DLX6: variants seen among roughly 807,000 people sequenced by gnomAD.
The protein encoded by DLX6 is distal-less homeobox 6, also known as homeobox protein DLX-6.
In DLX6, 4 loss-of-function variants were observed where a neutral mutation model predicts 33.5. The ratio of observed to expected loss-of-function variants is 0.12; its 90% confidence interval spans 0.06 to 0.27. The LOEUF (loss-of-function observed/expected upper bound fraction) is 0.27, where lower values mean the gene tolerates loss of function less well. DLX6 is among the 10% of genes least tolerant of loss of function. DLX6 has a pLI of 1.00. For missense variants in DLX6, 382 were observed against 393.3 expected (o/e 0.97, Z 0.24); for synonymous variants, 184 against 164.8 (o/e 1.12, Z -0.89).
At chr7:97,006,717 C>T (rs1322745744) in intron 1 of DLX6, 1 of 159,584 alleles carries the variant, frequency 6.3e-6, no homozygotes, top group Non-Finnish European at 1.4e-5. Context: ...CCTCCTGGGT[C>T]TGTGCGCCCT....
Position 97,010,179 on chromosome 7 carries a change from G to T in DLX6, c.*132G>T. 1.9e-6 allele frequency: 2 copies of T among 1,047,448 alleles called. No homozygotes were observed. The highest frequency in any genetic ancestry group is 2.7e-6 in the Non-Finnish European group (2 of 748,204). The allele number at this position is 1,047,448 out of a possible 1,614,324, so 64.9% of individuals were successfully genotyped here. A position where few individuals can be genotyped will look rare whatever the true frequency, so the allele number is the denominator to read the frequency against. On this transcript the variant is annotated 3_prime_UTR_variant, in exon 3 of 3. Transcript: ENST00000518156. ...ATAAGTGTGGCAAGAAGCCGACTAG[G>T]CTCATTCTCTCTCCCTCTCTCTCTC...
intron 2 of DLX6, 106 bp from the exon 3 acceptor site, chr7:97,009,690 T>C (rs1291149756): frequency 2.0e-6 from 3 of 1,510,862 alleles, no homozygotes; most frequent in Non-Finnish European, 2.7e-6. Flanking sequence ...GGTTGTTTTT[T>C]GTTTTTTGTT....
chr7:97,006,711 C>G (rs1363658018), intron 1 of DLX6: 1 of 161,024 alleles, frequency 6.2e-6, no homozygotes, highest in African/African-American at 2.4e-5. Flanking sequence ...CTCCAGCCTC[C>G]TGGGTCTGTG....
chr7:97,007,676 A>G lies in DLX6; in HGVS notation c.475A>G (p.Arg159Gly). 3 of 1,612,550 alleles carry G rather than the reference A, an allele frequency of 1.9e-6. No individual in the cohort carries two copies. Among genetic ancestry groups the G allele is most frequent in the Non-Finnish European group, 1.7e-6 (2 of 1,179,212 alleles). The part of the protein sequence containing the change: ...KTTVIENGEI[R>G]FNGKGKKIRK... ...TACAGTGATTGAAAACGGGGAAATC[A>G]GGTTCAATGGAAAAGGGAAAAAGAT... Residue 159 changes from arginine (R) to glycine (G), a missense_variant, in exon 2 of 3, where the codon AGG becomes GGG. Coordinates refer to ENST00000518156, the MANE Select transcript of DLX6 (RefSeq NM_005222.4).
Position 97,006,165 on chromosome 7 carries a change from C to T in DLX6, c.188C>T (p.Ala63Val), listed in dbSNP as rs1360007469. ...CCGCACTCGCAGCAGAGCTCCCCGG[C>T]CATGGCAGGCGCGCACTACCCTCTG... ...PQPHSQQSSP[A>V]MAGAHYPLHC... Residue 63 changes from alanine to valine, a missense_variant, in exon 1 of 3, where the codon GCC (alanine) becomes GTC (valine). This residue lies in a region of DLX6 where 257 missense variants were observed against 206.9 expected (regional missense o/e 1.24). Transcript: ENST00000518156. 3.2e-6 allele frequency: 5 copies of T among 1,542,842 alleles called. No individual in the cohort carries two copies. The East Asian group carries it at 9.8e-5, about 30-fold the overall frequency.
rs747311765 is a variant in DLX6 at position 97,006,142 on chromosome 7, G to A, written c.165G>A (p.Pro55=). 6 of 1,540,384 alleles carry A rather than the reference G, an allele frequency of 3.9e-6. No individual in the cohort carries two copies. Among genetic ancestry groups the A allele is most frequent in the Non-Finnish European group, 4.4e-6 (5 of 1,139,722 alleles). The change falls in exon 1 of 3, where the codon CCG becomes CCA. Residue 55 remains proline, a synonymous_variant. Coordinates refer to ENST00000518156, the MANE Select transcript of DLX6 (RefSeq NM_005222.4). ...PPPPPPPPPQ[P]HSQQSSPAMA... is the part of the protein sequence containing the mutation. ...CGCCGCCGCCGCCGCCGCCGCAGCC[G>A]CACTCGCAGCAGAGCTCCCCGGCCA...
At chr7:97,007,598 G>T in intron 1 of DLX6, 40 bp from the exon 2 acceptor site, 1 of 1,562,416 alleles carries the variant, frequency 6.4e-7, no homozygotes, top group Non-Finnish European at 8.7e-7. Flanking sequence ...GGCAGCAGTA[G>T]CCTCCCGGGT....
intron 2 of DLX6, 112 bp downstream of exon 2, chr7:97,007,943 T>A: frequency 9.2e-7 from 1 of 1,091,490 alleles, no homozygotes; most frequent in Non-Finnish European, 1.3e-6. Context: ...GGAAGGAGCT[T>A]AATGACAAAT....
chr7:97,006,128 C>T lies in DLX6; in HGVS notation c.151C>T (p.Pro51Ser). Residue 51 changes from proline to serine, a missense_variant, in exon 1 of 3, where the codon CCG becomes TCG. By Grantham distance (74) the Pro-to-Ser change is moderately conservative (BLOSUM62 -1). Around this residue, in one of 4 missense-constraint regions of DLX6, gnomAD observed 257 missense variants for 206.9 expected, o/e 1.24. Coordinates refer to ENST00000518156, the MANE Select transcript of DLX6 (RefSeq NM_005222.4). ...QQQQPPPPPP[P>S]PPQPHSQQSS... ...GCAACAGCCGCCGCCGCCGCCGCCG[C>T]CGCCGCCGCAGCCGCACTCGCAGCA... 6.5e-7 allele frequency: 1 copy of T among 1,545,900 alleles called. No individual in the cohort carries two copies. The highest frequency in any genetic ancestry group is 8.7e-7 in the Non-Finnish European group (1 of 1,144,178).
Position 97,006,227 on chromosome 7 carries a change from G to T in DLX6, c.250G>T (p.Gly84Cys), listed in dbSNP as rs1376974530. ...CTCGGCGGCGGCGGCGGCAGCGGCC[G>T]GCTCGCACCACCACCACCACCACCA... ...LHSAAAAAAA[G>C]SHHHHHHQHH... The change falls in exon 1 of 3, where the codon GGC (glycine) becomes TGC (cysteine). Residue 84 changes from glycine (G) to cysteine (C), a missense_variant. Gly to Cys is a radical substitution (Grantham distance 159). Transcript: ENST00000518156. 1.3e-6 allele frequency: 2 copies of T among 1,513,288 alleles called. No individual in the cohort carries two copies. The highest frequency in any genetic ancestry group is 2.5e-5 in the South Asian group (2 of 79,610). 93.7% of individuals were successfully genotyped at this position (1,513,288 alleles called of 1,614,324 possible).
At position 97,006,019 on chromosome 7, in the gene DLX6, G is replaced by A. The variant is rs1584154369; in HGVS notation, c.42G>A (p.Gln14=). 1.9e-6 allele frequency: 3 copies of A among 1,599,546 alleles called. No individual in the cohort carries two copies. The highest frequency in any genetic ancestry group is 1.1e-5 in the South Asian group (1 of 88,478). ...CGATGGCTGACGGCTTGGAAGGCCA[G>A]GACTCGTCCAAATCCGCCTTCATGG... The part of the protein sequence containing the change: ...MTTMADGLEG[Q]DSSKSAFMEF... Residue 14 remains glutamine (Q), a synonymous_variant, in exon 1 of 3, where the codon CAG becomes CAA. Coordinates refer to ENST00000518156, the MANE Select transcript of DLX6 (RefSeq NM_005222.4).
rs1043157882 is a variant in DLX6 at position 97,006,105 on chromosome 7, A to C, written c.128A>C (p.Gln43Pro). Residue 43 changes from glutamine to proline, a missense_variant, in exon 1 of 3, where the codon CAA becomes CCA. Coordinates refer to ENST00000518156, the MANE Select transcript of DLX6 (RefSeq NM_005222.4). ...QQQQQQQQQQ[Q>P]QPPPPPPPPP... ...CAGCAGCAGCAGCAGCAGCAACAGC[A>C]ACAGCCGCCGCCGCCGCCGCCGCCG... The C allele has an allele frequency of 2.6e-6, 4 of 1,543,802 alleles. No individual in the cohort carries two copies. In the South Asian group the frequency reaches 3.6e-5, roughly 14 times the overall value.
At position 97,005,951 on chromosome 7, in the gene DLX6, G is replaced by C; in HGVS notation, c.-27G>C. 1 of 1,532,392 alleles carries C rather than the reference G, an allele frequency of 6.5e-7. No homozygotes were observed. Among genetic ancestry groups the C allele is most frequent in the Middle Eastern group, 1.7e-4 (1 of 5,822 alleles). The allele number at this position is 1,532,392 out of a possible 1,614,324, so 94.9% of individuals were successfully genotyped here. On this transcript the variant is annotated 5_prime_UTR_variant, in exon 1 of 3. Transcript: ENST00000518156. ...GGAGGGTGGAGGAAACCCGGGAGAA[G>C]GCTTTCTCCAGCCCCCAAAGTTTTT...
Position 97,010,193 on chromosome 7 carries a change from C to CT in DLX6, c.*146_*147insT. 2 of 733,834 alleles carry CT rather than the reference C, an allele frequency of 2.7e-6. No homozygotes were observed. Among genetic ancestry groups the CT allele is most frequent in the South Asian group, 2.4e-5 (1 of 41,120 alleles). The allele number at this position is 733,834 out of a possible 1,614,324, so 45.5% of individuals were successfully genotyped here. ...AAGCCGACTAGGCTCATTCTCTCTC[C>CT]CTCTCTCTCTCTCTCCCTCTCCTTT... is the stretch of plus-strand genomic sequence containing the variant. On this transcript the variant is annotated 3_prime_UTR_variant, in exon 3 of 3. Coordinates refer to ENST00000518156, the MANE Select transcript of DLX6 (RefSeq NM_005222.4).
At position 97,010,348 on chromosome 7, in the gene DLX6, T is replaced by G. The variant is rs1333151685; in HGVS notation, c.*301T>G. On this transcript the variant is annotated 3_prime_UTR_variant, in exon 3 of 3. Transcript: ENST00000518156. ...AGCAACGTCAGTAATTGATCTTGCA[T>G]CTCAGAGAGAGAGAAAGAGCATGTG... 1 of 319,860 alleles carries G rather than the reference T, an allele frequency of 3.1e-6. No individual in the cohort carries two copies. Among genetic ancestry groups the G allele is most frequent in the Non-Finnish European group, 5.8e-6 (1 of 173,406 alleles). The allele number at this position is 319,860 out of a possible 1,614,324, so 19.8% of individuals were successfully genotyped here.
In DLX6 at chr7:97,005,800, A is replaced by C. The variant is rs891345834; in HGVS notation, c.-178A>C. On this transcript the variant is annotated 5_prime_UTR_variant, in exon 1 of 3. Coordinates refer to ENST00000518156, the MANE Select transcript of DLX6 (RefSeq NM_005222.4). ...TAAATATATATATATATTAGAGAAG[A>C]GCGAGGGAGAGGGAGAACCACCTCC... 2 of 468,820 alleles carry C rather than the reference A, an allele frequency of 4.3e-6. No individual in the cohort carries two copies. Among genetic ancestry groups the C allele is most frequent in the Middle Eastern group, 5.5e-4 (1 of 1,822 alleles). 29.0% of individuals were successfully genotyped at this position (468,820 alleles called of 1,614,324 possible). A position where few individuals can be genotyped will look rare whatever the true frequency, so the allele number is the denominator to read the frequency against.
chr7:97,008,212 T>A (rs1241682559), intron 2 of DLX6, among the ~76,000 whole-genome samples: 1 of 152,202 alleles, frequency 6.6e-6, no homozygotes, highest in East Asian at 1.9e-4. Flanking sequence ...AAGGATCCTT[T>A]TGTAGGCCCT....
In DLX6 at chr7:97,007,751, C is replaced by T. The variant is rs1789769708; in HGVS notation, c.550C>T (p.His184Tyr). 1 of 1,612,388 alleles carries T rather than the reference C, an allele frequency of 6.2e-7. No individual in the cohort carries two copies. Among genetic ancestry groups the T allele is most frequent in the Non-Finnish European group, 8.5e-7 (1 of 1,179,240 alleles). Residue 184 changes from histidine (H) to tyrosine (Y), a missense_variant, in exon 2 of 3, where the codon CAT becomes TAT. By Grantham distance (83) the His-to-Tyr change is moderately conservative. Transcript: ENST00000518156. ...YSSLQLQALN[H>Y]RFQQTQYLAL... ...CAGCCTGCAGCTCCAGGCTTTAAAC[C>T]ATCGCTTTCAGCAGACACAGTATCT...
Position 97,006,542 on chromosome 7 carries a change from C to T in DLX6, c.436+129C>T. On this transcript the variant is annotated intron_variant, in intron 1 of 2. Coordinates refer to ENST00000518156, the MANE Select transcript of DLX6 (RefSeq NM_005222.4). Reference sequence around the variant, plus strand: ...CCCAGGCGGCCCCGCGCGCCCTTGGCCGGGCCCCGTGCGCGCCCGCTCGCC... The same window carrying T: ...CCCAGGCGGCCCCGCGCGCCCTTGGTCGGGCCCCGTGCGCGCCCGCTCGCC... 6.8e-6 allele frequency: 7 copies of T among 1,024,100 alleles called. No homozygotes were observed. In the South Asian group the frequency reaches 3.5e-4, roughly 52 times the overall value. 63.4% of individuals were successfully genotyped at this position (1,024,100 alleles called of 1,614,324 possible). A position where few individuals can be genotyped will look rare whatever the true frequency, so the allele number is the denominator to read the frequency against.
Sources: gnomAD v4.1 joint callset for allele counts (sites outside exome capture counted in the v4.1 genomes callset) on GRCh38, gnomAD v4.1.1 for gene constraint, gnomAD v4.1.1 regional missense constraint, MANE v1.5 for transcripts, NCBI Gene and HGNC (gene_info 2026-07-23, HGNC 2026-07-21) for gene names.